KLHL4: variants seen among roughly 807,000 people sequenced by gnomAD.
The protein encoded by KLHL4 is kelch like family member 4.
KLHL4 carries 17 observed loss-of-function variants against 45.8 expected under a neutral mutation model. The ratio of observed to expected loss-of-function variants is 0.37; its 90% CI spans 0.25 to 0.56. The LOEUF is 0.56. KLHL4 is among the 20% of genes least tolerant of loss of function. The probability of loss-of-function intolerance (pLI) is 0.79; values close to 1 mark genes in which losing one functional copy is unlikely to be tolerated. For missense variants in KLHL4, 544 were observed against 544.9 expected (o/e 1.00, Z 0.02); for synonymous variants, 224 against 189.9 (o/e 1.18, Z -1.47).
rs1033359010 is a variant in KLHL4 at position 87,617,956 on chromosome X, C to T, written c.752C>T (p.Thr251Ile). 5.5e-5 allele frequency: 67 copies of T among 1,207,453 alleles called. No homozygotes were observed. The highest frequency in any genetic ancestry group is 7.4e-5 in the Non-Finnish European group (66 of 893,519). The change falls in exon 4 of 11, where the codon ACC becomes ATC. Residue 251 changes from threonine to isoleucine, a missense_variant. Coordinates refer to ENST00000373119, the MANE Select transcript of KLHL4 (RefSeq NM_019117.5). The part of the protein sequence containing the change: ...YTGVLQLKED[T>I]IESLLAAACL... ...GGAGTCCTGCAATTGAAAGAAGATA[C>T]CATTGAAAGTTTGCTGGCTGCAGCT...
chrX:87,566,874 G>A (rs1158164893), intron 1 of KLHL4, among the ~76,000 whole-genome samples: 1 of 111,065 alleles, frequency 9.0e-6, no homozygotes, highest in Non-Finnish European at 1.9e-5. Flanking sequence ...GAGAACACAT[G>A]GACACATAGA....
chrX:87,553,638 A>G (rs1287530064), intron 1 of KLHL4, among the ~76,000 whole-genome samples: 1 of 100,578 alleles, frequency 9.9e-6, no homozygotes, highest in Non-Finnish European at 2.1e-5. Flanking sequence ...ACAGACACAT[A>G]CACACACACA....
intron 1 of KLHL4, among the ~76,000 whole-genome samples, chrX:87,526,832 C>T (rs1469831473): frequency 9.0e-6 from 1 of 111,413 alleles, no homozygotes; most frequent in Non-Finnish European, 1.9e-5. Context: ...TCTTAAAAGA[C>T]AAGATAGGGA....
chrX:87,571,887 T>G (rs2147790241), intron 1 of KLHL4, among the ~76,000 whole-genome samples: 1 of 111,110 alleles, frequency 9.0e-6, no homozygotes, highest in Admixed American at 9.6e-5. Context: ...TTAGTGAAGC[T>G]ATTCTTTCCA....
At position 87,635,545 on chromosome X, in the gene KLHL4, T is replaced by C; in HGVS notation, c.1713-18T>C. ...TACACACACATATACATACACACAA[T>C]TCTGTCTTTTTATCTAGATTATATG... On this transcript the variant is annotated intron_variant, in intron 8 of 10. Transcript: ENST00000373119. The C allele has an allele frequency of 8.6e-7, 1 of 1,165,540 alleles. No homozygotes were observed. The highest frequency in any genetic ancestry group is 3.0e-5 in the East Asian group (1 of 33,529).
intron 1 of KLHL4, among the ~76,000 whole-genome samples, chrX:87,553,320 A>G (rs1250811825): frequency 9.0e-6 from 1 of 110,946 alleles, no homozygotes; most frequent in African/African-American, 3.3e-5. Context: ...TGTAATTCAA[A>G]TGTTATCAAT....
At position 87,548,845 on chromosome X, in the gene KLHL4, G is replaced by GAAAAAA. The variant is rs58087826; in HGVS notation, c.422+30538_422+30543dup. ...TCACTAGAGGAAGAGAAGAAAGAAT[G>GAAAAAA]AAAAAAAAAAAAAGAGAGAAGATCA... On this transcript the variant is annotated intron_variant, in intron 1 of 10. Coordinates refer to ENST00000373119, the MANE Select transcript of KLHL4 (RefSeq NM_019117.5). Among the ~76,000 whole-genome samples the GAAAAAA allele has an allele frequency of 5.0e-5, 4 of 80,138 alleles. No homozygotes were observed. The East Asian group carries it at 1.2e-3, about 25-fold the overall frequency. The allele number at this position is 80,138 out of a possible 115,157, so 69.6% of individuals were successfully genotyped here.
At chrX:87,561,680 G>T (rs1050729158) in intron 1 of KLHL4, among the ~76,000 whole-genome samples, 1 of 110,941 alleles carries the variant, frequency 9.0e-6, no homozygotes, top group Non-Finnish European at 1.9e-5. Flanking sequence ...CCTAAGGAGT[G>T]CTTGTGTCAC....
chrX:87,644,754 G>T (rs897603126), intron 9 of KLHL4, among the ~76,000 whole-genome samples: 3 of 110,441 alleles, frequency 2.7e-5, no homozygotes, highest in Non-Finnish European at 3.8e-5. Context: ...AAACTCAAAT[G>T]CAGCCAACTG....
chrX:87,655,235 T>C (rs1469197331), intron 9 of KLHL4, among the ~76,000 whole-genome samples: 1 of 111,900 alleles, frequency 8.9e-6, no homozygotes, highest in African/African-American at 3.3e-5. Flanking sequence ...CATTTTCTTG[T>C]GTTTCTTTGT....
chrX:87,546,808 G>A (rs976153762), intron 1 of KLHL4, among the ~76,000 whole-genome samples: 5 of 112,887 alleles, frequency 4.4e-5, no homozygotes, highest in African/African-American at 1.6e-4. Context: ...GAGACAGGGA[G>A]TCAAAGGAGA....
intron 5 of KLHL4, 47 bp downstream of exon 5, chrX:87,622,470 A>G: frequency 1.2e-6 from 1 of 818,227 alleles, no homozygotes; most frequent in East Asian, 3.2e-5. Context: ...CTGAACTACC[A>G]CTAGGCACTA....
At chrX:87,600,003 A>G (rs1302096034) in intron 1 of KLHL4, among the ~76,000 whole-genome samples, 1 of 112,362 alleles carries the variant, frequency 8.9e-6, no homozygotes, top group Non-Finnish European at 1.9e-5. Flanking sequence ...CAATTACTTG[A>G]TACAGAAGTG....
At chrX:87,633,122 A>G (rs1923150873) in intron 7 of KLHL4, among the ~76,000 whole-genome samples, 1 of 111,697 alleles carries the variant, frequency 9.0e-6, no homozygotes. Flanking sequence ...TGATATTAGC[A>G]AATAGGTAGG....
intron 1 of KLHL4, among the ~76,000 whole-genome samples, chrX:87,560,166 G>GCTT (rs1166882959): frequency 8.9e-6 from 1 of 111,766 alleles, no homozygotes; most frequent in African/African-American, 3.2e-5. Context: ...TGACAATAAT[G>GCTT]CTTCTATCTT....
At chrX:87,646,979 C>G (rs1272405067) in intron 9 of KLHL4, among the ~76,000 whole-genome samples, 1 of 111,007 alleles carries the variant, frequency 9.0e-6, no homozygotes, top group Non-Finnish European at 1.9e-5. Context: ...GGGAGAAAAT[C>G]TTTACAATCT....
At chrX:87,584,552 T>C (rs747646418) in intron 1 of KLHL4, among the ~76,000 whole-genome samples, 197 of 111,561 alleles carry the variant, frequency 1.8e-3, no homozygotes, top group Non-Finnish European at 3.1e-3. Flanking sequence ...TCCTGGAGCA[T>C]AAAAGTGCAA....
At chrX:87,556,857 G>T (rs1931990295) in intron 1 of KLHL4, among the ~76,000 whole-genome samples, 1 of 110,830 alleles carries the variant, frequency 9.0e-6, no homozygotes, top group African/African-American at 3.3e-5. Context: ...GATCATGCAG[G>T]ATTTTTTTGA....
intron 9 of KLHL4, 60 bp downstream of exon 9, chrX:87,635,835 A>C: frequency 1.1e-6 from 1 of 891,578 alleles, no homozygotes; most frequent in Non-Finnish European, 1.5e-6. Flanking sequence ...TTTTAGAAAT[A>C]GAAAGATTTT....
Sources: allele counts gnomAD v4.1 joint callset (sites outside exome capture counted in the v4.1 genomes callset), GRCh38; gene constraint gnomAD v4.1.1; transcripts MANE v1.5; gene names NCBI Gene and HGNC (gene_info 2026-07-23, HGNC 2026-07-21).